The following EMG1 variants were observed in gnomAD, a reference collection of about 807,000 sequenced individuals.
EMG1 encodes ribosomal RNA small subunit methyltransferase NEP1.
Under a neutral mutation model 26.9 loss-of-function variants are expected in EMG1, and 24 were observed. The ratio of observed to expected loss-of-function variants is 0.89; its 90% confidence interval spans 0.65 to 1.26. The LOEUF (loss-of-function observed/expected upper bound fraction) is 1.26, where lower values mean the gene tolerates loss of function less well. EMG1 is among the 50% of genes most tolerant of loss of function. The pLI, the probability that EMG1 is intolerant of heterozygous loss-of-function variation, is 0.00. For synonymous variants in EMG1, 140 were observed against 112.6 expected, an observed-to-expected ratio of 1.24 and a Z score of -1.54; for missense variants, 299 against 307.6, an observed-to-expected ratio of 0.97 and a Z score of 0.21.
downstream of EMG1, chr12:6,983,488 T>A: frequency 6.2e-7 from 1 of 1,613,276 alleles, no homozygotes; most frequent in Non-Finnish European, 8.5e-7. Context: ...GTGGATGAGG[T>A]AGGTCTCCTT....
intron 6 of EMG1, among the ~76,000 whole-genome samples, chr12:6,985,443 T>C (rs1565599652): frequency 6.6e-6 from 1 of 151,884 alleles, no homozygotes; most frequent in East Asian, 2.0e-4. Flanking sequence ...GCTGGTGCAG[T>C]GGCTCACGCC....
At chr12:6,973,435 T>C (rs1457192919) in intron 1 of EMG1, among the ~76,000 whole-genome samples, 2 of 152,224 alleles carry the variant, frequency 1.3e-5, no homozygotes, top group African/African-American at 4.8e-5. Context: ...CCCAGAGTGC[T>C]GGGATTACAG....
chr12:6,990,742 G>A (rs1946581286), downstream of EMG1, among the ~76,000 whole-genome samples: 1 of 150,468 alleles, frequency 6.6e-6, no homozygotes, highest in African/African-American at 2.4e-5. Flanking sequence ...GGCCAACATG[G>A]TGAAACCCTA....
rs782341445 is a variant in EMG1, at chr12:6,977,300, A to G, written c.*1491A>G. 22 of 1,611,552 alleles carry G rather than the reference A, an allele frequency of 1.4e-5. No individual in the cohort carries two copies. The highest frequency in any genetic ancestry group is 1.8e-5 in the Non-Finnish European group (21 of 1,177,804). ...AGGCCACTAAGGTAGACAGGCCTGGAGTGTCCTTTGCAACCTTTGAGGTTG... is the reference window on the plus strand; with the variant it reads ...AGGCCACTAAGGTAGACAGGCCTGGGGTGTCCTTTGCAACCTTTGAGGTTG... On this transcript the variant is annotated 3_prime_UTR_variant, in exon 6 of 6. Transcript: ENST00000599672. This position sits in a 1 kb window ranked among gnomAD's most constrained non-coding sequence, Gnocchi z 4.5.
chr12:6,979,299 G>A lies in EMG1; in HGVS notation c.*3490G>A. On this transcript the variant is annotated 3_prime_UTR_variant, in exon 6 of 6. Coordinates refer to ENST00000599672, the MANE Select transcript of EMG1 (RefSeq NM_006331.8). Reference sequence around the variant, plus strand: ...TGCCCGCGAAGGTTGTTCAGTGCTGGCTGATGAACATGTCCCAGCACGGCT... The same window carrying A: ...TGCCCGCGAAGGTTGTTCAGTGCTGACTGATGAACATGTCCCAGCACGGCT... 4.8e-6 allele frequency: 3 copies of A among 620,604 alleles called. No homozygotes were observed. The highest frequency in any genetic ancestry group is 8.6e-6 in the Non-Finnish European group (3 of 347,410). The allele number at this position is 620,604 out of a possible 1,614,324, so 38.4% of individuals were successfully genotyped here.
In EMG1 at chr12:6,970,998, G is replaced by T; in HGVS notation, c.75G>T (p.Leu25=). The part of the protein sequence containing the change: ...GGEQAQDWDA[L]PPKRPRLGAG... ...AGCAGGCACAGGACTGGGATGCTCT[G>T]CCACCCAAGCGGCCCCGACTAGGGG... The change falls in exon 1 of 6, where the codon CTG becomes CTT. Residue 25 remains leucine, a synonymous_variant. Transcript: ENST00000599672. 1.9e-6 allele frequency: 3 copies of T among 1,612,170 alleles called. No homozygotes were observed. The highest frequency in any genetic ancestry group is 2.5e-6 in the Non-Finnish European group (3 of 1,179,096).
downstream of EMG1, chr12:6,982,561 T>A: frequency 2.7e-6 from 2 of 733,780 alleles, no homozygotes; most frequent in Non-Finnish European, 4.7e-6. Context: ...TGCTAAGTGC[T>A]GGGAGAGGGG....
chr12:6,977,607 C>G lies in EMG1; in HGVS notation c.*1798C>G, dbSNP rs782264457. On this transcript the variant is annotated 3_prime_UTR_variant, in exon 6 of 6. Coordinates refer to ENST00000599672, the MANE Select transcript of EMG1 (RefSeq NM_006331.8). The surrounding 1 kb of genome is among the most constrained non-coding windows in gnomAD (Gnocchi z 4.5). ...CACCCTGGAGGCCTACCTGTCTTTC[C>G]ACAATAACAATGAGGAATTCCATCT... The G allele has an allele frequency of 1.2e-6, 2 of 1,614,182 alleles. No homozygotes were observed. Among genetic ancestry groups the G allele is most frequent in the South Asian group, 2.2e-5 (2 of 91,080 alleles).
At chr12:6,990,375 G>A (rs1296854886), downstream of EMG1, among the ~76,000 whole-genome samples, 1 of 150,822 alleles carries the variant, frequency 6.6e-6, no homozygotes, top group Non-Finnish European at 1.5e-5. Context: ...CGGGTGTGGT[G>A]GCGGGCACCT....
In EMG1 at chr12:6,979,485, T is replaced by C. The variant is rs1351928271; in HGVS notation, c.*3676T>C. The C allele has an allele frequency of 6.2e-7, 1 of 1,612,184 alleles. No homozygotes were observed. Among genetic ancestry groups the C allele is most frequent in the Non-Finnish European group, 8.5e-7 (1 of 1,178,328 alleles). ...TAGACACTCACGTCATAGTCTTCAG[T>C]GAGGAGATAGTCTTCTGTGATGTGG... On this transcript the variant is annotated 3_prime_UTR_variant, in exon 6 of 6. Coordinates refer to ENST00000599672, the MANE Select transcript of EMG1 (RefSeq NM_006331.8).
Position 6,976,004 on chromosome 12 carries a change from A to G in EMG1, c.*195A>G. On this transcript the variant is annotated 3_prime_UTR_variant, in exon 6 of 6. Coordinates refer to ENST00000599672, the MANE Select transcript of EMG1 (RefSeq NM_006331.8). ...CTGGTTGTTTTGGGGTTCCTAAAGT[A>G]TCCAGTGGTGTAAAACTGTTTGTTC... is the stretch of plus-strand genomic sequence containing the variant. 1.8e-6 allele frequency: 1 copy of G among 548,932 alleles called. No individual in the cohort carries two copies. The highest frequency in any genetic ancestry group is 2.4e-5 in the South Asian group (1 of 42,114). The allele number at this position is 548,932 out of a possible 1,614,324, so 34.0% of individuals were successfully genotyped here. A position where few individuals can be genotyped will look rare whatever the true frequency, so the allele number is the denominator to read the frequency against.
intron 3 of EMG1, 137 bp from the exon 4 acceptor site, chr12:6,974,953 C>A: frequency 1.1e-6 from 1 of 948,766 alleles, no homozygotes; most frequent in Non-Finnish European, 1.7e-6. Flanking sequence ...ACTGTTTGTT[C>A]CTAACATTTC....
intron 7 of EMG1, among the ~76,000 whole-genome samples, chr12:6,996,790 A>G (rs1354498124): frequency 6.6e-6 from 1 of 152,224 alleles, no homozygotes; most frequent in Non-Finnish European, 1.5e-5. Flanking sequence ...TAGAGGTTAA[A>G]GAGAAATCAA....
rs75801660 is a variant in EMG1, at chr12:6,996,908, C to G, written c.*212-317C>G. Among the ~76,000 whole-genome samples the G allele has an allele frequency of 3.7e-3, 565 of 152,114 alleles. 4 individuals carry two copies. The highest frequency in any genetic ancestry group is 6.6e-3 in the Non-Finnish European group (452 of 68,008). ...CACAGCGGTAGGAAGGAGCATGGGG[C>G]ATTCACTCCAAGAGACTGGGCTAAT... On this transcript the variant is annotated intron_variant and NMD_transcript_variant, in intron 7 of 7. Transcript: ENST00000607161.
intron 3 of EMG1, 57 bp downstream of exon 3, chr12:6,974,750 A>G: frequency 6.3e-7 from 1 of 1,579,940 alleles, no homozygotes; most frequent in Admixed American, 1.7e-5. Flanking sequence ...GAAGGGAGGA[A>G]GAGGAAAAGG....
In EMG1 at chr12:6,977,133, C is replaced by G; in HGVS notation, c.*1324C>G. 2.0e-6 allele frequency: 3 copies of G among 1,534,490 alleles called. No homozygotes were observed. Among genetic ancestry groups the G allele is most frequent in the Non-Finnish European group, 2.7e-6 (3 of 1,120,710 alleles). On this transcript the variant is annotated 3_prime_UTR_variant, in exon 6 of 6. Coordinates refer to ENST00000599672, the MANE Select transcript of EMG1 (RefSeq NM_006331.8). The surrounding 1 kb of genome is among the most constrained non-coding windows in gnomAD (Gnocchi z 4.5). Reference sequence around the variant, plus strand: ...GTTTTAGTTTAGCTGTATTAACTTACCAGGGAAATGGATTATTCCATCTTC... The same window carrying G: ...GTTTTAGTTTAGCTGTATTAACTTAGCAGGGAAATGGATTATTCCATCTTC...
At position 6,974,478 on chromosome 12, in the gene EMG1, C is replaced by T. The variant is rs1209237292; in HGVS notation, c.270+38C>T. The stretch of plus-strand genomic sequence containing the variant: ...ACAGTGCTCACAACCCTTTGAGCCT[C>T]TGTATGGAAGGGTTGGCAGCTGAGT... On this transcript the variant is annotated intron_variant, in intron 2 of 5. Transcript: ENST00000599672. 10 of 1,607,178 alleles carry T rather than the reference C, an allele frequency of 6.2e-6. No individual in the cohort carries two copies. In the East Asian group the frequency reaches 2.2e-4, roughly 36 times the overall value.
chr12:6,984,636 G>T (rs1179052925), downstream of EMG1, among the ~76,000 whole-genome samples: 5 of 152,102 alleles, frequency 3.3e-5, no homozygotes, highest in Admixed American at 3.3e-4. Context: ...ACCCAGGCTG[G>T]AGTGCAGTGG....
chr12:6,975,715 A>G lies in EMG1; in HGVS notation c.641A>G (p.Glu214Gly), dbSNP rs200470095. The change falls in exon 6 of 6, where the codon GAG becomes GGG. Residue 214 changes from glutamate (E) to glycine (G), a missense_variant. Glu to Gly is a moderately conservative substitution (Grantham distance 98). Coordinates refer to ENST00000599672, the MANE Select transcript of EMG1 (RefSeq NM_006331.8). ...TCTTAGGTCAGTGTGGAGTATACAG[A>G]GAAGATGGTGTCCATCAGTAACTAC... The part of the protein sequence containing the change: ...AHGKVSVEYT[E>G]KMVSISNYPL... 4.0e-5 allele frequency: 64 copies of G among 1,611,626 alleles called. No homozygotes were observed. The African/African-American group carries it at 8.1e-4, about 20-fold the overall frequency.
Sources: gnomAD v4.1 joint callset for allele counts (sites outside exome capture counted in the v4.1 genomes callset) on GRCh38, gnomAD v4.1.1 for gene constraint, Gnocchi (gnomAD v3.1) non-coding constraint, MANE v1.5 for transcripts, NCBI Gene and HGNC (gene_info 2026-07-23, HGNC 2026-07-21) for gene names.